SMYD3: variants seen among roughly 807,000 people sequenced by gnomAD.
SMYD3 encodes SET and MYND domain containing 3.
A neutral mutation model predicts 57.7 loss-of-function variants in SMYD3; 36 were observed. That is an observed-to-expected ratio of 0.62 (90% confidence interval 0.48 to 0.82). The LOEUF is 0.82. SMYD3 is among the 40% of genes least tolerant of loss of function. The probability of loss-of-function intolerance (pLI) is 0.00; values close to 1 mark genes in which losing one functional copy is unlikely to be tolerated. For missense variants in SMYD3, 515 were observed against 538.8 expected, an observed-to-expected ratio of 0.96 and a Z score of 0.44; for synonymous variants, 211 against 195.0, an observed-to-expected ratio of 1.08 and a Z score of -0.68.
intron 8 of SMYD3, among the ~76,000 whole-genome samples, chr1:245,876,056 A>C (rs1218901073): frequency 1.3e-5 from 2 of 151,984 alleles, no homozygotes; most frequent in Non-Finnish European, 2.9e-5. Flanking sequence ...GCTTTAATTC[A>C]CTCCAGAGGG....
rs540650338 is a variant in SMYD3, at chr1:246,380,642, C to G, written c.165-25548G>C. 9.2e-5 allele frequency among the ~76,000 whole-genome samples: 14 copies of G among 152,252 alleles called. No homozygotes were observed. In the East Asian group the frequency reaches 2.1e-3, roughly 23 times the overall value. On this transcript the variant is annotated intron_variant, in intron 1 of 11. Coordinates refer to ENST00000490107, the MANE Select transcript of SMYD3 (RefSeq NM_001167740.2). ...TGGTAGGTTCTGGATATATAAGGATCAATAAGACAGTTCCTATTTTCAAGG... is the reference window on the plus strand; with the variant it reads ...TGGTAGGTTCTGGATATATAAGGATGAATAAGACAGTTCCTATTTTCAAGG...
At chr1:245,817,241 TGACCCCC>T (rs1300323518) in intron 10 of SMYD3, among the ~76,000 whole-genome samples, 2 of 144,654 alleles carry the variant, frequency 1.4e-5, no homozygotes, top group Non-Finnish European at 3.0e-5. Context: ...CCCTGACCCC[TGACCCCC>T]GAGCAGCCTA....
intron 10 of SMYD3, among the ~76,000 whole-genome samples, chr1:245,822,025 G>A (rs1226211916): frequency 6.6e-6 from 1 of 152,146 alleles, no homozygotes; most frequent in Non-Finnish European, 1.5e-5. Context: ...AATACCATTT[G>A]ACCCAGTCAT....
intron 8 of SMYD3, among the ~76,000 whole-genome samples, chr1:245,913,417 C>T (rs1365161304): frequency 3.3e-5 from 5 of 151,246 alleles, no homozygotes; most frequent in African/African-American, 7.3e-5. Context: ...ATGTAAATGA[C>T]AAGTTAATGG....
At chr1:246,378,798 T>A (rs1275574853) in intron 1 of SMYD3, among the ~76,000 whole-genome samples, 4 of 107,354 alleles carry the variant, frequency 3.7e-5, no homozygotes, top group Non-Finnish European at 7.0e-5. Context: ...ATATATTATT[T>A]TTATATATTA....
intron 1 of SMYD3, among the ~76,000 whole-genome samples, chr1:246,465,199 A>T (rs918659153): frequency 2.0e-5 from 3 of 152,246 alleles, no homozygotes; most frequent in African/African-American, 7.2e-5. Context: ...AAAAGAGAGA[A>T]AAATGCCTAA....
intron 1 of SMYD3, among the ~76,000 whole-genome samples, chr1:246,474,247 C>T (rs1441531444): frequency 6.6e-6 from 1 of 152,116 alleles, no homozygotes; most frequent in Non-Finnish European, 1.5e-5. Flanking sequence ...GGGCCGGGCG[C>T]GGTGGCTCAT....
chr1:246,072,898 A>G lies in SMYD3; in HGVS notation c.532-142961T>C, dbSNP rs182753093. Among the ~76,000 whole-genome samples, 676 of 152,342 alleles carry G rather than the reference A, an allele frequency of 4.4e-3. 9 individuals carry two copies. Among genetic ancestry groups the G allele is most frequent in the African/African-American group, 0.015 (621 of 41,578 alleles). On this transcript the variant is annotated intron_variant, in intron 5 of 11. Transcript: ENST00000490107. ...GTATAAGCATGGTGCATGTACATAA[A>G]AACACTGAAACTTCTTCCATAAATG... is the stretch of plus-strand genomic sequence containing the variant.
chr1:245,963,777 C>G (rs139740678), intron 5 of SMYD3, among the ~76,000 whole-genome samples: 2 of 152,156 alleles, frequency 1.3e-5, no homozygotes, highest in African/African-American at 4.8e-5. Flanking sequence ...GCCTAACCTA[C>G]CTGGGGAAGG....
chr1:246,412,674 T>C (rs996562769), intron 1 of SMYD3, among the ~76,000 whole-genome samples: 12 of 151,956 alleles, frequency 7.9e-5, no homozygotes, highest in African/African-American at 2.7e-4. Flanking sequence ...CTGGCCAACA[T>C]TGTGAAACTC....
At chr1:245,887,702 C>T (rs953711123) in intron 8 of SMYD3, among the ~76,000 whole-genome samples, 1 of 152,120 alleles carries the variant, frequency 6.6e-6, no homozygotes, top group Non-Finnish European at 1.5e-5. Flanking sequence ...AACAGGCTTC[C>T]AGTAAAATCA....
chr1:246,506,991 C>CCCCCCCCCCCCCCCCCCCCCCA, intron 1 of SMYD3, 63 bp downstream of exon 1: 1 of 815,392 alleles, frequency 1.2e-6, no homozygotes, highest in East Asian at 4.9e-5. Context: ...CGCCCGACGC[C>CCCCCCCCCCCCCCCCCCCCCCA]CCCCCCTCCC....
intron 9 of SMYD3, among the ~76,000 whole-genome samples, chr1:245,863,535 C>T (rs78303630): frequency 0.02 from 2,997 of 152,286 alleles, 98 homozygotes; most frequent in African/African-American, 0.069. Flanking sequence ...CTAATTCTTA[C>T]TTTCCTACTA....
intron 5 of SMYD3, among the ~76,000 whole-genome samples, chr1:246,160,056 C>A (rs2062090233): frequency 2.0e-5 from 3 of 152,284 alleles, no homozygotes; most frequent in African/African-American, 7.2e-5. Flanking sequence ...AGAGGAGACA[C>A]AATTATAACC....
chr1:245,896,709 CAAACAGAGCCATGCTCT>C (rs1181519996), intron 8 of SMYD3, among the ~76,000 whole-genome samples: 1 of 152,196 alleles, frequency 6.6e-6, no homozygotes, highest in Non-Finnish European at 1.5e-5. Context: ...CTGAAGGGGC[CAAACAGAGCCATGCTCT>C]CTTGTCTAGG....
chr1:246,368,428 T>TC (rs1558428080), intron 1 of SMYD3, among the ~76,000 whole-genome samples: 1 of 151,736 alleles, frequency 6.6e-6, no homozygotes, highest in Admixed American at 6.6e-5. Flanking sequence ...ACTCCCAAAT[T>TC]CCCCCCAGCC....
At position 246,249,541 on chromosome 1, in the gene SMYD3, G is replaced by A. The variant is rs200757697; in HGVS notation, c.531+77660C>T. Among the ~76,000 whole-genome samples the A allele has an allele frequency of 5.6e-5, 7 of 125,342 alleles. No homozygotes were observed. The South Asian group carries it at 2.0e-3, about 36-fold the overall frequency. The allele number at this position is 125,342 out of a possible 152,430, so 82.2% of individuals were successfully genotyped here. ...TTTTGTTTTTTTTGTATTTTTTTTTGTAATTTCCTAAATGTACTGGGATAA... is the reference window on the plus strand; with the variant it reads ...TTTTGTTTTTTTTGTATTTTTTTTTATAATTTCCTAAATGTACTGGGATAA... On this transcript the variant is annotated intron_variant, in intron 5 of 11. Transcript: ENST00000490107.
chr1:245,873,388 C>T (rs955931192), intron 8 of SMYD3, among the ~76,000 whole-genome samples: 1 of 152,206 alleles, frequency 6.6e-6, no homozygotes, highest in Non-Finnish European at 1.5e-5. Flanking sequence ...CTCACAACTC[C>T]TACCCAAGTC....
chr1:246,157,022 G>A (rs1004476234), intron 5 of SMYD3, among the ~76,000 whole-genome samples: 12 of 152,200 alleles, frequency 7.9e-5, no homozygotes, highest in South Asian at 2.1e-4. Context: ...AAGGTCATAC[G>A]CAGACCGCAA....
Sources: gnomAD v4.1 joint callset for allele counts (sites outside exome capture counted in the v4.1 genomes callset) on GRCh38, gnomAD v4.1.1 for gene constraint, MANE v1.5 for transcripts, NCBI Gene and HGNC (gene_info 2026-07-23, HGNC 2026-07-21) for gene names.